NFIB: variants seen among roughly 807,000 people sequenced by gnomAD.
The protein encoded by NFIB is nuclear factor I B.
Under a neutral mutation model 61.5 loss-of-function variants are expected in NFIB, and 11 were observed. The ratio of observed to expected loss-of-function variants is 0.18; its 90% CI spans 0.11 to 0.30. The LOEUF (loss-of-function observed/expected upper bound fraction) is 0.30, where lower values mean the gene tolerates loss of function less well. NFIB is among the 10% of genes least tolerant of loss of function. NFIB has a pLI of 1.00. For missense variants in NFIB, 471 were observed against 608.9 expected (o/e 0.77, Z 2.38); for synonymous variants, 260 against 216.5 (o/e 1.20, Z -1.76).
chr9:14,494,593 T>C, the NFIB span, among the ~76,000 whole-genome samples: 471 of 152,328 alleles, frequency 3.1e-3, 2 homozygotes, highest in African/African-American at 0.011. Context: ...ATAGAGTGTA[T>C]TTCCATGGTT....
chr9:14,089,876 T>G (rs759448741), intron 10 of NFIB, among the ~76,000 whole-genome samples: 4 of 152,184 alleles, frequency 2.6e-5, no homozygotes, highest in African/African-American at 4.8e-5. Context: ...ATACAAAATG[T>G]TGCTTGTTGC....
At chr9:14,127,839 T>A (rs1013492072) in intron 6 of NFIB, among the ~76,000 whole-genome samples, 6 of 151,992 alleles carry the variant, frequency 3.9e-5, no homozygotes, top group Admixed American at 1.3e-4. Context: ...GCCAGGCGGA[T>A]TTGTAGCTGT....
At chr9:14,161,967 T>C (rs2044253056) in intron 3 of NFIB, among the ~76,000 whole-genome samples, 5 of 152,204 alleles carry the variant, frequency 3.3e-5, no homozygotes, top group Admixed American at 3.3e-4. Context: ...GGATTTGTTT[T>C]TAATTGTGGC....
chr9:14,134,512 A>T (rs111427370), intron 6 of NFIB, among the ~76,000 whole-genome samples: 23 of 152,090 alleles, frequency 1.5e-4, no homozygotes, highest in African/African-American at 5.5e-4. Flanking sequence ...TAATACAAAA[A>T]CTCCAAAACT....
At chr9:14,217,409 C>G (rs1450050502) in intron 2 of NFIB, among the ~76,000 whole-genome samples, 1 of 151,910 alleles carries the variant, frequency 6.6e-6, no homozygotes, top group African/African-American at 2.4e-5. Context: ...GTCTGTAATC[C>G]CAGCATTTTG....
intron 10 of NFIB, among the ~76,000 whole-genome samples, chr9:14,089,644 C>T (rs1393342914): frequency 6.6e-6 from 1 of 152,142 alleles, no homozygotes; most frequent in African/African-American, 2.4e-5. Context: ...AGCATGGAAA[C>T]ATACTTTCGA....
chr9:14,152,394 G>A lies in NFIB; in HGVS notation c.686-2129C>T, dbSNP rs1174133718. ...GTAAGAAATCCCACAGTAACCGCAT[G>A]TTTTATAATTTATTATTAGAACCAT... On this transcript the variant is annotated intron_variant, in intron 4 of 10. Coordinates refer to ENST00000380953, the MANE Select transcript of NFIB (RefSeq NM_001190737.2). 2.6e-5 allele frequency among the ~76,000 whole-genome samples: 4 copies of A among 152,072 alleles called. 1 individual carries two copies. Among genetic ancestry groups the A allele is most frequent in the South Asian group, 4.1e-4 (2 of 4,838 alleles).
intron 1 of NFIB, chr9:14,357,751 A>G (rs563038108): frequency 6.6e-6 from 1 of 152,346 alleles, no homozygotes; most frequent in Non-Finnish European, 1.5e-5. Flanking sequence ...ACGTCCATCA[A>G]CCAATGAATG....
the NFIB span, among the ~76,000 whole-genome samples, chr9:14,503,955 G>A: frequency 6.6e-6 from 1 of 152,156 alleles, no homozygotes; most frequent in Non-Finnish European, 1.5e-5. Flanking sequence ...ATGGTTTCAG[G>A]TCTTAGATTT....
chr9:14,519,122 G>A, the NFIB span, among the ~76,000 whole-genome samples: 13 of 152,080 alleles, frequency 8.5e-5, no homozygotes, highest in African/African-American at 1.2e-4. Context: ...TGTGAAAAGC[G>A]GGACTGGCTT....
chr9:14,430,995 G>A, the NFIB span, among the ~76,000 whole-genome samples: 1 of 152,216 alleles, frequency 6.6e-6, no homozygotes, highest in Non-Finnish European at 1.5e-5. Flanking sequence ...TAGACAATAT[G>A]GGCATGGAAA....
intron 2 of NFIB, among the ~76,000 whole-genome samples, chr9:14,220,861 A>G (rs1158954340): frequency 1.3e-5 from 2 of 150,476 alleles, no homozygotes; most frequent in East Asian, 3.9e-4. Flanking sequence ...ACACACACAC[A>G]CACACACACA....
At chr9:14,494,614 C>G in the NFIB span, among the ~76,000 whole-genome samples, 1 of 152,204 alleles carries the variant, frequency 6.6e-6, no homozygotes, top group Non-Finnish European at 1.5e-5. Flanking sequence ...CTTACTTCTT[C>G]TCTTATGGCT....
the NFIB span, among the ~76,000 whole-genome samples, chr9:14,436,398 A>G: frequency 2.0e-5 from 3 of 152,202 alleles, no homozygotes; most frequent in Admixed American, 6.5e-5. Context: ...TGGGGAGCAA[A>G]ACCCTGACAC....
At chr9:14,401,306 C>A (rs2061740832), upstream of NFIB, among the ~76,000 whole-genome samples, 1 of 152,200 alleles carries the variant, frequency 6.6e-6, no homozygotes, top group African/African-American at 2.4e-5. Flanking sequence ...CTTCTACCTG[C>A]TCTATTTTCT....
chr9:14,449,891 C>T, the NFIB span, among the ~76,000 whole-genome samples: 11 of 151,958 alleles, frequency 7.2e-5, no homozygotes, highest in African/African-American at 1.7e-4. Flanking sequence ...GCCGAGATCA[C>T]GCCACTGCAC....
At chr9:14,125,492 G>C (rs1283946259) in intron 7 of NFIB, 140 bp downstream of exon 7, 3 of 1,193,778 alleles carry the variant, frequency 2.5e-6, no homozygotes, top group Non-Finnish European at 3.5e-6. Flanking sequence ...AAAAATACTT[G>C]ATCGGATTGT....
At position 14,347,281 on chromosome 9, in the gene NFIB, G is replaced by A. The variant is rs927519; in HGVS notation, c.109-39761C>T. 4.5e-3 allele frequency: 682 copies of A among 152,380 alleles called. 5 individuals carry two copies. Among genetic ancestry groups the A allele is most frequent in the African/African-American group, 0.015 (634 of 41,568 alleles). 9.4% of individuals were successfully genotyped at this position (152,380 alleles called of 1,614,324 possible). ...AACGGTCGAGGCACTGAGAGTGGGG[G>A]ATGAGAAACGAACTCCGTCCCCTGC... On this transcript the variant is annotated intron_variant, in intron 1 of 8. Coordinates refer to the NFIB transcript ENST00000380934.
intron 2 of NFIB, among the ~76,000 whole-genome samples, chr9:14,271,111 C>CCAA (rs1284643777): frequency 6.6e-6 from 1 of 151,944 alleles, no homozygotes; most frequent in Non-Finnish European, 1.5e-5. Flanking sequence ...ACCTCCCACC[C>CCAA]CAACAAAATC....
Sources: gnomAD v4.1 joint callset for allele counts (sites outside exome capture counted in the v4.1 genomes callset) on GRCh38, gnomAD v4.1.1 for gene constraint, MANE v1.5 for transcripts, NCBI Gene and HGNC (gene_info 2026-07-23, HGNC 2026-07-21) for gene names.